The following DIS3L2 variants were observed in gnomAD, a reference collection of about 807,000 sequenced individuals.
The protein encoded by DIS3L2 is DIS3-like exonuclease 2.
A neutral mutation model predicts 97.5 loss-of-function variants in DIS3L2; 34 were observed. That is an observed-to-expected ratio of 0.35 (90% CI 0.27 to 0.46). The LOEUF (loss-of-function observed/expected upper bound fraction) is 0.46, where lower values mean the gene tolerates loss of function less well. DIS3L2 is among the 20% of genes least tolerant of loss of function. DIS3L2 has a pLI of 1.00. For missense variants in DIS3L2, 1,038 were observed against 1,146.0 expected (o/e 0.91, Z 1.36); for synonymous variants, 435 against 445.2 (o/e 0.98, Z 0.29).
intron 16 of DIS3L2, among the ~76,000 whole-genome samples, chr2:232,332,606 G>A (rs577054247): frequency 4.6e-5 from 7 of 152,008 alleles, no homozygotes; most frequent in South Asian, 2.1e-4. Context: ...CGGGCTATGC[G>A]CTGGTCCCTA....
intron 8 of DIS3L2, among the ~76,000 whole-genome samples, chr2:232,156,946 A>G (rs944151831): frequency 6.6e-6 from 1 of 152,218 alleles, no homozygotes; most frequent in Non-Finnish European, 1.5e-5. Context: ...GAATCAGAAG[A>G]AACTGTGTTT....
downstream of DIS3L2, among the ~76,000 whole-genome samples, chr2:232,338,338 C>G (rs1230267239): frequency 1.3e-5 from 2 of 152,200 alleles, no homozygotes; most frequent in African/African-American, 4.8e-5. Flanking sequence ...TCCCAGCGCC[C>G]CCAGGCCCCA....
At chr2:232,097,751 C>T (rs879550513) in intron 6 of DIS3L2, among the ~76,000 whole-genome samples, 14 of 152,248 alleles carry the variant, frequency 9.2e-5, no homozygotes, top group African/African-American at 2.4e-4. Flanking sequence ...CCCCTGAGGC[C>T]GAGCTGGTAC....
At chr2:232,271,391 G>A (rs186213463) in intron 13 of DIS3L2, among the ~76,000 whole-genome samples, 3 of 152,312 alleles carry the variant, frequency 2.0e-5, no homozygotes, top group African/African-American at 7.2e-5. Flanking sequence ...AGGAAATCCA[G>A]TTGAAAACAG....
Position 232,307,385 on chromosome 2 carries a change from A to G in DIS3L2, c.1739+7266A>G, listed in dbSNP as rs1288818388. Among the ~76,000 whole-genome samples the G allele has an allele frequency of 5.3e-5, 8 of 152,326 alleles. No individual in the cohort carries two copies. The East Asian group carries it at 1.5e-3, about 29-fold the overall frequency. On this transcript the variant is annotated intron_variant, in intron 14 of 20. Transcript: ENST00000325385. ...GATTATCATGATGATTAAATTACACATGACATCAGGGAAACTGTCTTCATG... is the reference window on the plus strand; with the variant it reads ...GATTATCATGATGATTAAATTACACGTGACATCAGGGAAACTGTCTTCATG...
intron 14 of DIS3L2, among the ~76,000 whole-genome samples, chr2:232,321,338 G>A (rs1183289176): frequency 6.6e-6 from 1 of 152,156 alleles, no homozygotes; most frequent in South Asian, 2.1e-4. Context: ...AAACATGGGG[G>A]ATGCCTGGAT....
At chr2:232,214,458 T>C (rs1692278533) in intron 10 of DIS3L2, among the ~76,000 whole-genome samples, 2 of 152,204 alleles carry the variant, frequency 1.3e-5, no homozygotes, top group Non-Finnish European at 2.9e-5. Flanking sequence ...ACAAATCTAG[T>C]GTCTCATTTG....
chr2:232,014,854 T>C lies in DIS3L2; in HGVS notation c.-74T>C. ...TTTCAGCGAATGACAACAGAGCTGC[T>C]CAAGGCGGGAACTCTGAGCTAAGCA... On this transcript the variant is annotated 5_prime_UTR_variant, in exon 2 of 21. Transcript: ENST00000325385. 2 of 1,537,634 alleles carry C rather than the reference T, an allele frequency of 1.3e-6. No homozygotes were observed. Among genetic ancestry groups the C allele is most frequent in the Non-Finnish European group, 1.8e-6 (2 of 1,117,972 alleles).
chr2:232,088,387 A>G (rs1696731409), intron 6 of DIS3L2, among the ~76,000 whole-genome samples: 1 of 146,102 alleles, frequency 6.8e-6, no homozygotes, highest in East Asian at 2.1e-4. Flanking sequence ...TCTACTAAAA[A>G]TACAAAAAAA....
intron 10 of DIS3L2, among the ~76,000 whole-genome samples, chr2:232,210,624 C>A (rs1692163883): frequency 6.6e-6 from 1 of 152,232 alleles, no homozygotes; most frequent in South Asian, 2.1e-4. Flanking sequence ...AATGTCCTCC[C>A]ACTAGACTCT....
intron 14 of DIS3L2, among the ~76,000 whole-genome samples, chr2:232,302,692 C>G (rs1021609200): frequency 6.6e-6 from 1 of 151,960 alleles, no homozygotes; most frequent in African/African-American, 2.4e-5. Context: ...TCCCGAATAG[C>G]TGGGATTACA....
At chr2:232,242,145 T>A (rs1306965358) in intron 11 of DIS3L2, among the ~76,000 whole-genome samples, 1 of 152,240 alleles carries the variant, frequency 6.6e-6, no homozygotes, top group Non-Finnish European at 1.5e-5. Context: ...AGTGTTGATA[T>A]GGAAAAGAAA....
downstream of DIS3L2, among the ~76,000 whole-genome samples, chr2:232,337,409 AGCCTGGACAGAGGAGCCGGCCTGG>A (rs1293713921): frequency 6.6e-6 from 1 of 151,852 alleles, no homozygotes. Context: ...GCACCAAGGG[AGCCTGGACAGAGGAGCCGGCCTGG>A]GCCTGGGGGA....
intron 6 of DIS3L2, among the ~76,000 whole-genome samples, chr2:232,107,918 C>T (rs76131004): frequency 0.051 from 7,760 of 152,086 alleles, 280 homozygotes; most frequent in Non-Finnish European, 0.078. Flanking sequence ...ACCTACCAAC[C>T]GAAGAAAGCC....
At chr2:232,172,665 A>G (rs376719408) in intron 9 of DIS3L2, 1 of 533,426 alleles carries the variant, frequency 1.9e-6, no homozygotes, top group Non-Finnish European at 3.9e-6. Context: ...TGAAATTGCT[A>G]GGTCATATGG....
intron 8 of DIS3L2, among the ~76,000 whole-genome samples, chr2:232,141,965 A>G (rs1341798822): frequency 6.6e-6 from 1 of 152,184 alleles, no homozygotes; most frequent in Non-Finnish European, 1.5e-5. Context: ...AAACAAACAG[A>G]AGAAATTAGT....
At chr2:232,163,920 G>A (rs1041180016) in intron 9 of DIS3L2, among the ~76,000 whole-genome samples, 1 of 152,174 alleles carries the variant, frequency 6.6e-6, no homozygotes, top group Non-Finnish European at 1.5e-5. Flanking sequence ...TCAGATTTCT[G>A]CGACCATAAA....
intron 6 of DIS3L2, among the ~76,000 whole-genome samples, chr2:232,111,867 T>C (rs988089541): frequency 6.6e-6 from 1 of 152,182 alleles, no homozygotes; most frequent in Non-Finnish European, 1.5e-5. Flanking sequence ...TGCTAAGTAT[T>C]ATACATAGAA....
In DIS3L2 at chr2:232,115,465, C is replaced by T. The variant is rs958050866; in HGVS notation, c.602-15154C>T. ...ACAGTATACTCAGGAACCTGAGAAT[C>T]AGCTCCACGTGGGATGTTTTATGTC... On this transcript the variant is annotated intron_variant, in intron 6 of 20. Coordinates refer to ENST00000325385, the MANE Select transcript of DIS3L2 (RefSeq NM_152383.5). Among the ~76,000 whole-genome samples the T allele has an allele frequency of 4.6e-5, 7 of 152,286 alleles. 1 individual carries two copies. The highest frequency in any genetic ancestry group is 1.7e-4 in the African/African-American group (7 of 41,556).
Sources: gnomAD v4.1 joint callset for allele counts (sites outside exome capture counted in the v4.1 genomes callset) on GRCh38, gnomAD v4.1.1 for gene constraint, MANE v1.5 for transcripts, NCBI Gene and HGNC (gene_info 2026-07-23, HGNC 2026-07-21) for gene names.